ELSPBP1: variants seen among roughly 807,000 people sequenced by gnomAD.
ELSPBP1 encodes the protein epididymal sperm binding protein 1.
ELSPBP1 carries 38 observed loss-of-function variants against 33.3 expected under a neutral mutation model. That is an observed-to-expected ratio of 1.14 (90% CI 0.88 to 1.50). The LOEUF (loss-of-function observed/expected upper bound fraction) is 1.50, where lower values mean the gene tolerates loss of function less well. Ranked by LOEUF, ELSPBP1 falls within the 40% of genes most tolerant of loss-of-function variation. The probability of loss-of-function intolerance (pLI) is 0.00; values close to 1 mark genes in which losing one functional copy is unlikely to be tolerated. For missense variants in ELSPBP1, 267 were observed against 263.5 expected (o/e 1.01, Z -0.09); for synonymous variants, 85 against 94.1 (o/e 0.90, Z 0.56).
chr19:48,007,852 T>C (rs1486559649), intron 1 of ELSPBP1, among the ~76,000 whole-genome samples: 2 of 152,128 alleles, frequency 1.3e-5, no homozygotes, highest in African/African-American at 2.4e-5. Flanking sequence ...ATCTATAAAA[T>C]GGGGGTTAAA....
chr19:48,022,183 G>A lies in ELSPBP1; in HGVS notation c.528G>A (p.Leu176=), dbSNP rs769136306. Reference sequence around the variant, plus strand: ...TCTGCTTCCTAGGAATTTCCGCGTTGGTCCCTGGCTTTCCTTGTCACTTTC... The same window carrying A: ...TCTGCTTCCTAGGAATTTCCGCGTTAGTCCCTGGCTTTCCTTGTCACTTTC... ...SFCADTRISA[L]VPGFPCHFPF... Residue 176 remains leucine, a synonymous_variant, in exon 6 of 7, where the codon TTG becomes TTA. Transcript: ENST00000339841. 2 of 1,612,160 alleles carry A rather than the reference G, an allele frequency of 1.2e-6. No homozygotes were observed. The highest frequency in any genetic ancestry group is 2.7e-5 in the African/African-American group (2 of 74,842).
chr19:48,023,817 TTC>T (rs1339031025), intron 6 of ELSPBP1, among the ~76,000 whole-genome samples: 1 of 151,978 alleles, frequency 6.6e-6, no homozygotes, highest in African/African-American at 2.4e-5. Context: ...TATCCCTCTT[TTC>T]TTTTTTTCTT....
At chr19:47,995,594 C>G (rs1446113726) in intron 1 of ELSPBP1, among the ~76,000 whole-genome samples, 16 of 152,108 alleles carry the variant, frequency 1.1e-4, no homozygotes, top group Admixed American at 1.0e-3. Flanking sequence ...GTGTGTGCGC[C>G]TAGAGGTGGA....
At chr19:47,999,174 C>T (rs1966942201) in intron 1 of ELSPBP1, among the ~76,000 whole-genome samples, 1 of 152,178 alleles carries the variant, frequency 6.6e-6, no homozygotes, top group African/African-American at 2.4e-5. Context: ...TGATTGTTTA[C>T]ATTCCCCTGT....
chr19:48,021,682 T>C (rs1568408938), intron 5 of ELSPBP1, among the ~76,000 whole-genome samples: 1 of 152,124 alleles, frequency 6.6e-6, no homozygotes, highest in Non-Finnish European at 1.5e-5. Context: ...ACTCCTGACC[T>C]CAAGTCATCT....
At chr19:48,001,280 C>G (rs1466557908) in intron 1 of ELSPBP1, among the ~76,000 whole-genome samples, 1 of 151,694 alleles carries the variant, frequency 6.6e-6, no homozygotes, top group African/African-American at 2.4e-5. Context: ...AAGAGATTCT[C>G]CTGCCTCAGC....
chr19:48,004,889 C>T (rs1412385281), intron 1 of ELSPBP1, among the ~76,000 whole-genome samples: 2 of 152,174 alleles, frequency 1.3e-5, no homozygotes, highest in Non-Finnish European at 2.9e-5. Flanking sequence ...TGAGTGGATG[C>T]ATAAAGCATG....
At position 48,000,254 on chromosome 19, in the gene ELSPBP1, A is replaced by G. The variant is rs554046691; in HGVS notation, c.-18+5443A>G. Among the ~76,000 whole-genome samples the G allele has an allele frequency of 2.2e-4, 23 of 104,082 alleles. No individual in the cohort carries two copies. In the East Asian group the frequency reaches 7.0e-3, roughly 32 times the overall value. 68.3% of individuals were successfully genotyped at this position (104,082 alleles called of 152,430 possible). A position where few individuals can be genotyped will look rare whatever the true frequency, so the allele number is the denominator to read the frequency against. ...CTGCCCCCTCCCCCATCCCCCATAGATGGAGTCTCACTCTGCCCAGGCTGT... is the reference window on the plus strand; with the variant it reads ...CTGCCCCCTCCCCCATCCCCCATAGGTGGAGTCTCACTCTGCCCAGGCTGT... On this transcript the variant is annotated intron_variant, in intron 1 of 6. Coordinates refer to ENST00000339841, the MANE Select transcript of ELSPBP1 (RefSeq NM_022142.5).
intron 5 of ELSPBP1, among the ~76,000 whole-genome samples, chr19:48,021,249 T>C (rs1410910580): frequency 3.9e-5 from 6 of 152,186 alleles, no homozygotes; most frequent in Admixed American, 3.3e-4. Context: ...CCAACACTCA[T>C]GTTCTCAGCC....
At chr19:48,016,157 G>A (rs2122323917) in intron 4 of ELSPBP1, 118 bp downstream of exon 4, 2 of 1,209,326 alleles carry the variant, frequency 1.7e-6, no homozygotes, top group South Asian at 2.9e-5. Context: ...AGTACTTACA[G>A]GAGCCAAGTG....
intron 2 of ELSPBP1, among the ~76,000 whole-genome samples, chr19:48,013,678 C>T (rs919200458): frequency 6.6e-6 from 1 of 151,426 alleles, no homozygotes; most frequent in East Asian, 1.9e-4. Context: ...GACCAGACTA[C>T]TGCACTCCAG....
chr19:48,007,039 G>A (rs543789042), intron 1 of ELSPBP1, among the ~76,000 whole-genome samples: 16 of 152,138 alleles, frequency 1.1e-4, no homozygotes, highest in Admixed American at 2.0e-4. Flanking sequence ...TTGATTCCTG[G>A]CGGTATCTGG....
At chr19:48,024,537 C>T (rs889036205) in intron 6 of ELSPBP1, among the ~76,000 whole-genome samples, 2 of 152,104 alleles carry the variant, frequency 1.3e-5, no homozygotes, top group East Asian at 3.9e-4. Context: ...TGAATTTTGC[C>T]TTGGTAATGA....
intron 1 of ELSPBP1, among the ~76,000 whole-genome samples, chr19:48,007,298 C>T (rs994640229): frequency 1.9e-4 from 29 of 152,066 alleles, no homozygotes; most frequent in African/African-American, 7.2e-5. Flanking sequence ...TAGACAGGCC[C>T]GCACTGACTC....
At chr19:48,001,346 AT>A (rs67597303) in intron 1 of ELSPBP1, among the ~76,000 whole-genome samples, 29,206 of 144,498 alleles carry the variant, frequency 0.2, 3,003 homozygotes, top group Middle Eastern at 0.26. Context: ...CACCCAGCTA[AT>A]TTTTTTTTTT....
intron 1 of ELSPBP1, among the ~76,000 whole-genome samples, chr19:47,995,385 G>A (rs1179381675): frequency 6.6e-6 from 1 of 152,226 alleles, no homozygotes; most frequent in Non-Finnish European, 1.5e-5. Flanking sequence ...TACCTGTTAA[G>A]AGACTGGGTG....
chr19:48,016,490 TTCTTTC>T (rs1266170285), intron 4 of ELSPBP1, among the ~76,000 whole-genome samples: 3 of 101,186 alleles, frequency 3.0e-5, no homozygotes, highest in African/African-American at 1.2e-4. Context: ...CTTTCTTTCT[TTCTTTC>T]TTTCTTTCTT....
chr19:48,007,743 C>A lies in ELSPBP1; in HGVS notation c.-17-908C>A, dbSNP rs1739310616. On this transcript the variant is annotated intron_variant, in intron 1 of 6. Transcript: ENST00000339841. ...TTTAAGGCTATTGTTAAGGTTCCAA[C>A]AATGAGAAGGGCCCTTGCAGCCATT... 2.0e-5 allele frequency among the ~76,000 whole-genome samples: 3 copies of A among 152,142 alleles called. No homozygotes were observed. The South Asian group carries it at 6.2e-4, about 32-fold the overall frequency.
intron 1 of ELSPBP1, among the ~76,000 whole-genome samples, chr19:47,996,460 A>T (rs574786015): frequency 6.6e-6 from 1 of 151,994 alleles, no homozygotes; most frequent in African/African-American, 2.4e-5. Flanking sequence ...AGATGAGTGG[A>T]TAGATAGATG....
Sources: gnomAD v4.1 joint callset for allele counts (sites outside exome capture counted in the v4.1 genomes callset) on GRCh38, gnomAD v4.1.1 for gene constraint, MANE v1.5 for transcripts, NCBI Gene and HGNC (gene_info 2026-07-23, HGNC 2026-07-21) for gene names.